ROBO2: variants seen among roughly 807,000 people sequenced by gnomAD.
ROBO2 encodes roundabout homolog 2.
In ROBO2, 53 loss-of-function variants were observed where a neutral mutation model predicts 160.8. The ratio of observed to expected loss-of-function variants is 0.33; its 90% CI spans 0.26 to 0.41. ROBO2 has a LOEUF of 0.41. Ranked by LOEUF, ROBO2 falls within the 10% of genes least tolerant of loss-of-function variation. The pLI is 1.00. For synonymous variants in ROBO2, 664 were observed against 611.7 expected (o/e 1.09, Z -1.26); for missense variants, 1,577 against 1,722.4 (o/e 0.92, Z 1.49).
At position 76,362,886 on chromosome 3, in the gene ROBO2, C is replaced by T. The variant is rs530012938; in HGVS notation, c.109+425284C>T. On this transcript the variant is annotated intron_variant, in intron 2 of 26. Transcript: ENST00000487694. The stretch of plus-strand genomic sequence containing the variant: ...TGAGGTCGTTCAACAGAAACTGTTA[C>T]GCCAGTCACTCACTTGTGTATGCTG... Among the ~76,000 whole-genome samples the T allele has an allele frequency of 2.6e-4, 39 of 152,132 alleles. No individual in the cohort carries two copies. In the South Asian group the frequency reaches 7.2e-3, roughly 28 times the overall value.
chr3:76,254,570 A>G (rs899050234), intron 2 of ROBO2, among the ~76,000 whole-genome samples: 11 of 152,096 alleles, frequency 7.2e-5, no homozygotes, highest in African/African-American at 2.4e-4. Context: ...GAGAGACTGG[A>G]AGTCTAGAGT....
intron 2 of ROBO2, among the ~76,000 whole-genome samples, chr3:76,365,500 A>C (rs770290813): frequency 6.6e-6 from 1 of 152,088 alleles, no homozygotes; most frequent in Non-Finnish European, 1.5e-5. Flanking sequence ...GAAATTACTC[A>C]TAGCCGGGTG....
chr3:77,576,930 A>C (rs1385139468), intron 14 of ROBO2, among the ~76,000 whole-genome samples: 1 of 152,190 alleles, frequency 6.6e-6, no homozygotes, highest in Non-Finnish European at 1.5e-5. Flanking sequence ...CTAAAAGCAT[A>C]CCAAAATAGC....
intron 2 of ROBO2, among the ~76,000 whole-genome samples, chr3:76,583,277 G>A (rs922150833): frequency 3.9e-5 from 6 of 152,050 alleles, no homozygotes; most frequent in African/African-American, 7.2e-5. Context: ...ATAAATATTC[G>A]GTGGAATAAA....
At chr3:76,338,870 T>C (rs935209736) in intron 2 of ROBO2, among the ~76,000 whole-genome samples, 1 of 151,892 alleles carries the variant, frequency 6.6e-6, no homozygotes, top group Non-Finnish European at 1.5e-5. Context: ...TTTAAGAAAA[T>C]ATTTTAGAAA....
intron 5 of ROBO2, among the ~76,000 whole-genome samples, chr3:77,514,159 A>G (rs1454591210): frequency 2.0e-5 from 3 of 151,734 alleles, no homozygotes; most frequent in Non-Finnish European, 4.4e-5. Flanking sequence ...ATATTATACC[A>G]TGTTACAAAG....
At chr3:77,475,100 T>C (rs1267232000) in intron 2 of ROBO2, among the ~76,000 whole-genome samples, 1 of 151,412 alleles carries the variant, frequency 6.6e-6, no homozygotes, top group Non-Finnish European at 1.5e-5. Context: ...CATATTATAA[T>C]ATCCTGAAGA....
Position 77,618,396 on chromosome 3 carries a change from C to T in ROBO2, c.3554+623C>T, listed in dbSNP as rs142200279. On this transcript the variant is annotated intron_variant, in intron 22 of 25. Transcript: ENST00000461745. The stretch of plus-strand genomic sequence containing the variant: ...CTAATCTATAAACTTTTGTAAACTA[C>T]AGGTGTCAGTTTACCTAGGTATCCT... Among the ~76,000 whole-genome samples, 1,501 of 152,168 alleles carry T rather than the reference C, an allele frequency of 9.9e-3. 28 individuals are homozygous for T. Among genetic ancestry groups the T allele is most frequent in the African/African-American group, 0.034 (1,432 of 41,524 alleles).
At chr3:76,060,223 A>C (rs572723396) in intron 2 of ROBO2, among the ~76,000 whole-genome samples, 10 of 152,210 alleles carry the variant, frequency 6.6e-5, no homozygotes, top group Non-Finnish European at 1.2e-4. Context: ...AATTATTAGC[A>C]ATCACATCTA....
chr3:76,809,030 T>C (rs1190383741), intron 2 of ROBO2, among the ~76,000 whole-genome samples: 6 of 152,168 alleles, frequency 3.9e-5, no homozygotes, highest in African/African-American at 1.2e-4. Flanking sequence ...TTTTTGAAAG[T>C]AAAATACTTT....
intron 2 of ROBO2, among the ~76,000 whole-genome samples, chr3:75,997,479 A>ATTTGTT (rs2065761039): frequency 7.3e-6 from 1 of 136,546 alleles, no homozygotes; most frequent in Admixed American, 7.5e-5. Flanking sequence ...AATTAAAGGC[A>ATTTGTT]TTTGTTTTGT....
At chr3:76,279,250 C>G (rs1708103039) in intron 2 of ROBO2, among the ~76,000 whole-genome samples, 1 of 151,458 alleles carries the variant, frequency 6.6e-6, no homozygotes, top group Non-Finnish European at 1.5e-5. Flanking sequence ...GATAGATAAA[C>G]TTTAGGTAAG....
intron 2 of ROBO2, among the ~76,000 whole-genome samples, chr3:76,761,427 G>A (rs959186587): frequency 6.6e-6 from 1 of 151,644 alleles, no homozygotes. Flanking sequence ...ATCCTGTTGT[G>A]TGATTATTCC....
intron 2 of ROBO2, among the ~76,000 whole-genome samples, chr3:76,539,034 G>A (rs892135959): frequency 4.6e-5 from 7 of 152,070 alleles, no homozygotes; most frequent in Non-Finnish European, 7.3e-5. Flanking sequence ...ATGAGTTCAC[G>A]TCCTTTGCAG....
chr3:77,622,281 T>C (rs2094918001), exon 23 of ROBO2: 7 of 1,614,216 alleles, frequency 4.3e-6, no homozygotes, highest in East Asian at 4.5e-5. Context: ...CGTTAGGTTA[T>C]GTGTCTGGAG....
intron 2 of ROBO2, among the ~76,000 whole-genome samples, chr3:76,854,126 T>C (rs1489885581): frequency 6.6e-6 from 1 of 150,896 alleles, no homozygotes; most frequent in Non-Finnish European, 1.5e-5. Flanking sequence ...ACCTAAAATT[T>C]TGTGCCTTGC....
chr3:76,726,875 T>C (rs982937899), intron 2 of ROBO2, among the ~76,000 whole-genome samples: 2 of 152,140 alleles, frequency 1.3e-5, no homozygotes, highest in African/African-American at 2.4e-5. Flanking sequence ...CTCGTACAGC[T>C]ACAAAAAGGA....
intron 2 of ROBO2, among the ~76,000 whole-genome samples, chr3:76,212,797 C>T (rs1471285406): frequency 6.6e-6 from 1 of 151,762 alleles, no homozygotes; most frequent in African/African-American, 2.4e-5. Flanking sequence ...CTTAATGTCA[C>T]ATCTTAAGGT....
chr3:76,238,110 G>A (rs919632712), intron 2 of ROBO2, among the ~76,000 whole-genome samples: 1 of 152,128 alleles, frequency 6.6e-6, no homozygotes, highest in African/African-American at 2.4e-5. Flanking sequence ...CCATTTAAAG[G>A]ACTTGGGAGG....
Sources: allele counts gnomAD v4.1 joint callset (sites outside exome capture counted in the v4.1 genomes callset), GRCh38; gene constraint gnomAD v4.1.1; transcripts MANE v1.5; gene names NCBI Gene and HGNC (gene_info 2026-07-23, HGNC 2026-07-21).